The following LRRC4C variants were observed in gnomAD, a reference collection of about 807,000 sequenced individuals.
LRRC4C encodes the protein leucine-rich repeat-containing protein 4C.
In LRRC4C, 5 loss-of-function variants were observed where a neutral mutation model predicts 33.6. The ratio of observed to expected loss-of-function variants is 0.15; its 90% CI spans 0.08 to 0.31. LRRC4C has a LOEUF of 0.31. Among genes scored for constraint, LRRC4C ranks in the 10% least tolerant of loss-of-function variants. LRRC4C has a pLI of 1.00. For missense variants in LRRC4C, 560 were observed against 796.7 expected, an observed-to-expected ratio of 0.70 and a Z score of 3.58; for synonymous variants, 329 against 302.0, an observed-to-expected ratio of 1.09 and a Z score of -0.93.
At chr11:40,774,603 C>A (rs768654018) in intron 2 of LRRC4C, among the ~76,000 whole-genome samples, 2 of 152,040 alleles carry the variant, frequency 1.3e-5, no homozygotes, top group Non-Finnish European at 2.9e-5. Context: ...AGTTAAATTA[C>A]GCTATGATCT....
At chr11:41,120,878 T>A (rs1942389330) in intron 1 of LRRC4C, among the ~76,000 whole-genome samples, 1 of 152,092 alleles carries the variant, frequency 6.6e-6, no homozygotes, top group Non-Finnish European at 1.5e-5. Flanking sequence ...GGTATAAGTG[T>A]GTGTGGCACT....
At chr11:40,265,568 T>C (rs568974407) in intron 4 of LRRC4C, among the ~76,000 whole-genome samples, 68 of 152,336 alleles carry the variant, frequency 4.5e-4, no homozygotes. Context: ...ATTGTTCTCT[T>C]TTCTGGAGGA....
At chr11:41,181,405 G>C (rs1466927470) in intron 1 of LRRC4C, among the ~76,000 whole-genome samples, 1 of 152,196 alleles carries the variant, frequency 6.6e-6, no homozygotes, top group African/African-American at 2.4e-5. Context: ...TATTCTCAAT[G>C]TTCCTGTTTC....
At chr11:40,158,421 T>A (rs548546121) in intron 5 of LRRC4C, among the ~76,000 whole-genome samples, 23 of 152,246 alleles carry the variant, frequency 1.5e-4, no homozygotes, top group African/African-American at 4.8e-4. Flanking sequence ...GAAAAAATTT[T>A]AAAAATTACA....
Position 40,169,828 on chromosome 11 carries a change from T to G in LRRC4C, c.-95-28975A>C, listed in dbSNP as rs139025003. On this transcript the variant is annotated intron_variant, in intron 5 of 6. Coordinates refer to ENST00000528697, the MANE Select transcript of LRRC4C (RefSeq NM_001258419.2). ...TCACACGATTTCTTATTAGCACTAA[T>G]TATATATAAGGGTAGGTCATTTTGT... Among the ~76,000 whole-genome samples, 426 of 152,316 alleles carry G rather than the reference T, an allele frequency of 2.8e-3. 5 individuals are homozygous for G. The highest frequency in any genetic ancestry group is 9.8e-3 in the African/African-American group (407 of 41,572).
chr11:40,231,635 T>A (rs1314347079), intron 5 of LRRC4C, among the ~76,000 whole-genome samples: 5 of 152,198 alleles, frequency 3.3e-5, no homozygotes, highest in African/African-American at 1.2e-4. Context: ...GTGGTTTAGA[T>A]AGACACAGAC....
rs939567848 is a variant in LRRC4C at position 41,098,504 on chromosome 11, A to T, written c.-495-164781T>A. Among the ~76,000 whole-genome samples, 5 of 152,168 alleles carry T rather than the reference A, an allele frequency of 3.3e-5. No individual in the cohort carries two copies. The East Asian group carries it at 9.6e-4, about 29-fold the overall frequency. ...TAGAAAATTGTTAACTTATATCAAG[A>T]TACTGAAATTCATTTCTAAAACACT... On this transcript the variant is annotated intron_variant, in intron 1 of 6. Transcript: ENST00000528697.
chr11:40,507,372 C>T (rs1018886060), intron 3 of LRRC4C, among the ~76,000 whole-genome samples: 2 of 151,926 alleles, frequency 1.3e-5, no homozygotes, highest in Non-Finnish European at 2.9e-5. Context: ...CCGAACAGCC[C>T]TAGATATATT....
At chr11:41,396,823 A>T (rs1447718214) in intron 1 of LRRC4C, among the ~76,000 whole-genome samples, 1 of 152,044 alleles carries the variant, frequency 6.6e-6, no homozygotes. Context: ...CAATTGCAGC[A>T]AAATAAAAAA....
intron 1 of LRRC4C, among the ~76,000 whole-genome samples, chr11:41,051,205 C>T (rs1180364692): frequency 6.6e-6 from 1 of 152,106 alleles, no homozygotes; most frequent in Non-Finnish European, 1.5e-5. Context: ...ATAAAGATCT[C>T]TTTAAAAGCT....
chr11:40,967,858 AAGTATT>A (rs1413440113), intron 1 of LRRC4C, among the ~76,000 whole-genome samples: 1 of 151,736 alleles, frequency 6.6e-6, no homozygotes, highest in Non-Finnish European at 1.5e-5. Flanking sequence ...ATATTGAAAT[AAGTATT>A]GCCTAATTTC....
At chr11:40,824,038 A>G (rs1952054142) in intron 2 of LRRC4C, among the ~76,000 whole-genome samples, 2 of 151,948 alleles carry the variant, frequency 1.3e-5, no homozygotes, top group Admixed American at 6.6e-5. Flanking sequence ...AAGAAACCAG[A>G]TGCAAAAGAC....
chr11:40,525,344 G>A (rs12294723), intron 3 of LRRC4C, among the ~76,000 whole-genome samples: 13,356 of 152,084 alleles, frequency 0.088, 1,664 homozygotes, highest in African/African-American at 0.28. Context: ...TATTCGGGAG[G>A]CTGAGGCAGG....
At chr11:41,112,336 T>C (rs1941880926) in intron 1 of LRRC4C, among the ~76,000 whole-genome samples, 1 of 152,070 alleles carries the variant, frequency 6.6e-6, no homozygotes, top group Non-Finnish European at 1.5e-5. Flanking sequence ...AATTGGCATC[T>C]CCTTGACAGC....
At chr11:40,662,826 T>C (rs1495299) in intron 2 of LRRC4C, among the ~76,000 whole-genome samples, 30,341 of 152,144 alleles carry the variant, frequency 0.2, 3,151 homozygotes, top group Non-Finnish European at 0.22. Context: ...ACCTACTTCA[T>C]AGTATTTGTG....
At position 40,116,303 on chromosome 11, in the gene LRRC4C, T is replaced by C. The variant is rs1176225780; in HGVS notation, c.-11A>G. The C allele has an allele frequency of 3.2e-6, 5 of 1,578,276 alleles. No individual in the cohort carries two copies. The highest frequency in any genetic ancestry group is 4.3e-6 in the Non-Finnish European group (5 of 1,158,178). The stretch of plus-strand genomic sequence containing the variant: ...CATCTTGTTCAACATTCATAATTTA[T>C]CTGGTGTTGGTCCTTCTGGAATTCA... On this transcript the variant is annotated 5_prime_UTR_variant, in exon 7 of 7. Coordinates refer to ENST00000528697, the MANE Select transcript of LRRC4C (RefSeq NM_001258419.2).
intron 3 of LRRC4C, among the ~76,000 whole-genome samples, chr11:40,399,878 G>C (rs1032269637): frequency 1.3e-5 from 2 of 151,948 alleles, no homozygotes; most frequent in African/African-American, 2.4e-5. Context: ...AAAAGAAAAC[G>C]CTCCGAAGAC....
chr11:41,037,018 AC>A lies in LRRC4C; in HGVS notation c.-495-103296del, dbSNP rs1302808477. ...ATAGAAGCAAATAACCTGGAGTGGT[AC>A]CCAATTAAACAATGCCTAGTTTTGT... is the stretch of plus-strand genomic sequence containing the variant. On this transcript the variant is annotated intron_variant, in intron 1 of 6. Transcript: ENST00000528697. 3.3e-5 allele frequency among the ~76,000 whole-genome samples: 3 copies of A among 89,850 alleles called. No individual in the cohort carries two copies. In the East Asian group the frequency reaches 1.1e-3, roughly 32 times the overall value. The allele number at this position is 89,850 out of a possible 152,430, so 58.9% of individuals were successfully genotyped here.
chr11:40,537,667 A>G (rs935062125), intron 3 of LRRC4C, among the ~76,000 whole-genome samples: 11 of 152,164 alleles, frequency 7.2e-5, no homozygotes, highest in African/African-American at 2.4e-4. Flanking sequence ...AGATTTTAAT[A>G]TTTCAAATAA....
Sources: gnomAD v4.1 joint callset for allele counts (sites outside exome capture counted in the v4.1 genomes callset) on GRCh38, gnomAD v4.1.1 for gene constraint, MANE v1.5 for transcripts, NCBI Gene and HGNC (gene_info 2026-07-23, HGNC 2026-07-21) for gene names.